The following DOCK7 variants were observed in gnomAD, a reference collection of about 807,000 sequenced individuals.
The protein encoded by DOCK7 is dedicator of cytokinesis protein 7.
A neutral mutation model predicts 271.0 loss-of-function variants in DOCK7; 138 were observed. That is an observed-to-expected ratio of 0.51 (90% CI 0.44 to 0.59). DOCK7 has a LOEUF of 0.59. Ranked by LOEUF, DOCK7 falls within the 20% of genes least tolerant of loss-of-function variation. The probability of loss-of-function intolerance (pLI) is 0.00; values close to 1 mark genes in which losing one functional copy is unlikely to be tolerated. For synonymous variants in DOCK7, 823 were observed against 876.1 expected (o/e 0.94, Z 1.07); for missense variants, 2,066 against 2,592.4 (o/e 0.80, Z 4.41).
At chr1:62,625,135 T>C (rs1478376044) in intron 12 of DOCK7, 124 bp downstream of exon 12, 8 of 787,090 alleles carry the variant, frequency 1.0e-5, no homozygotes, top group Non-Finnish European at 1.5e-5. Context: ...ATTTTTATTC[T>C]TAAAGTTTTT....
At chr1:62,535,409 T>A in intron 29 of DOCK7, 84 bp downstream of exon 29, 14 of 1,181,078 alleles carry the variant, frequency 1.2e-5, no homozygotes, top group Non-Finnish European at 1.6e-5. Context: ...ATTCTCCTAA[T>A]CCTCAGGAAA....
At chr1:62,589,880 T>TA (rs543247913) in intron 14 of DOCK7, among the ~76,000 whole-genome samples, 4,182 of 99,544 alleles carry the variant, frequency 0.042, 284 homozygotes, top group African/African-American at 0.14. Flanking sequence ...AGACTCCATC[T>TA]AAAAAAAAAA....
intron 37 of DOCK7, 116 bp downstream of exon 37, chr1:62,504,514 G>A (rs1350920893): frequency 6.2e-6 from 7 of 1,128,556 alleles, no homozygotes; most frequent in Non-Finnish European, 8.6e-6. Context: ...GATAGCCTAT[G>A]ATTAGACTAA....
chr1:62,532,585 T>G (rs1487045890), intron 29 of DOCK7, among the ~76,000 whole-genome samples: 4 of 152,240 alleles, frequency 2.6e-5, no homozygotes, highest in Non-Finnish European at 1.5e-5. Context: ...TCCTCCTGCC[T>G]CAGCCTCGCA....
chr1:62,623,113 A>G (rs1442524570), intron 12 of DOCK7, among the ~76,000 whole-genome samples: 3 of 152,178 alleles, frequency 2.0e-5, no homozygotes, highest in African/African-American at 7.2e-5. Context: ...AATGATTACT[A>G]TATCCCTACT....
intron 14 of DOCK7, among the ~76,000 whole-genome samples, chr1:62,609,855 A>G (rs1350918711): frequency 6.6e-6 from 1 of 151,560 alleles, no homozygotes; most frequent in Non-Finnish European, 1.5e-5. Flanking sequence ...TTTTTTCGAG[A>G]TGGAGTCTCG....
At chr1:62,532,396 T>C (rs1645201378) in intron 29 of DOCK7, among the ~76,000 whole-genome samples, 1 of 152,034 alleles carries the variant, frequency 6.6e-6, no homozygotes, top group African/African-American at 2.4e-5. Flanking sequence ...TGGAATACAG[T>C]GGTGTGATCA....
intron 8 of DOCK7, among the ~76,000 whole-genome samples, chr1:62,636,147 G>A (rs1655241918): frequency 6.6e-6 from 1 of 152,168 alleles, no homozygotes; most frequent in Non-Finnish European, 1.5e-5. Context: ...AGCTACTCGG[G>A]AGGCTGAGAC....
intron 21 of DOCK7, among the ~76,000 whole-genome samples, chr1:62,554,736 C>T (rs1223273470): frequency 6.6e-6 from 1 of 152,032 alleles, no homozygotes; most frequent in Non-Finnish European, 1.5e-5. Context: ...TAATAGTGTA[C>T]TGAATAAAAC....
At chr1:62,521,034 T>C (rs528938238) in intron 31 of DOCK7, among the ~76,000 whole-genome samples, 1 of 148,736 alleles carries the variant, frequency 6.7e-6, no homozygotes, top group African/African-American at 2.5e-5. Flanking sequence ...TTCTCACTCA[T>C]AGGTGGGAGT....
chr1:62,577,587 T>C (rs184455999), intron 17 of DOCK7, among the ~76,000 whole-genome samples: 7 of 152,268 alleles, frequency 4.6e-5, no homozygotes, highest in Admixed American at 3.9e-4. Context: ...AACATTATTA[T>C]TACTAACCAT....
At position 62,520,644 on chromosome 1, in the gene DOCK7, C is replaced by T. The variant is rs556694066; in HGVS notation, c.3937-6746G>A. Among the ~76,000 whole-genome samples, 780 of 152,312 alleles carry T rather than the reference C, an allele frequency of 5.1e-3. 6 individuals are homozygous for T. Among genetic ancestry groups the T allele is most frequent in the South Asian group, 0.019 (90 of 4,824 alleles). ...ATGTGGAGAAATAGGAACGCTTTTACACTGTTGGTGGGAGTGTAAATTAGT... is the reference window on the plus strand; with the variant it reads ...ATGTGGAGAAATAGGAACGCTTTTATACTGTTGGTGGGAGTGTAAATTAGT... On this transcript the variant is annotated intron_variant, in intron 31 of 49. Coordinates refer to ENST00000635253, the MANE Select transcript of DOCK7 (RefSeq NM_001367561.1).
At position 62,552,811 on chromosome 1, in the gene DOCK7, C is replaced by T; in HGVS notation, c.2687G>A (p.Ser896Asn). 1 of 1,613,990 alleles carries T rather than the reference C, an allele frequency of 6.2e-7. No homozygotes were observed. Among genetic ancestry groups the T allele is most frequent in the South Asian group, 1.1e-5 (1 of 91,062 alleles). ...PASLNLNRSR[S>N]LSNSNPDISG... Reference sequence around the variant, plus strand: ...TATATCTGGATTGCTATTACTAAGGCTTCGAGAACGATTTAAATTAAGGCT... The same window carrying T: ...TATATCTGGATTGCTATTACTAAGGTTTCGAGAACGATTTAAATTAAGGCT... Residue 896 changes from serine (S) to asparagine (N), a missense_variant, in exon 22 of 50, where the codon AGC (serine) becomes AAC (asparagine). Around this residue, in one of 2 missense-constraint regions of DOCK7, gnomAD observed 1,414 missense variants for 1,670.4 expected, o/e 0.85. Coordinates refer to ENST00000635253, the MANE Select transcript of DOCK7 (RefSeq NM_001367561.1).
chr1:62,649,195 A>C (rs1267686150), intron 4 of DOCK7, among the ~76,000 whole-genome samples: 1 of 152,214 alleles, frequency 6.6e-6, no homozygotes, highest in Non-Finnish European at 1.5e-5. Context: ...AGCTGATCAA[A>C]AAGCAATTAT....
At chr1:62,644,967 A>G (rs965577614) in intron 7 of DOCK7, among the ~76,000 whole-genome samples, 1 of 152,304 alleles carries the variant, frequency 6.6e-6, no homozygotes, top group African/African-American at 2.4e-5. Context: ...ACTTTTATTA[A>G]TCAAGAAGAT....
Position 62,488,551 on chromosome 1 carries a change from T to C in DOCK7, c.5493+383A>G, listed in dbSNP as rs1021365486. On this transcript the variant is annotated intron_variant, in intron 42 of 49. Transcript: ENST00000635253. ...GTAGTTTAATTATTAAAGTTTCACA[T>C]CATTTAATTTAAAAAACTGAAATAT... 3 of 186,758 alleles carry C rather than the reference T, an allele frequency of 1.6e-5. No individual in the cohort carries two copies. The South Asian group carries it at 3.0e-4, about 19-fold the overall frequency. The allele number at this position is 186,758 out of a possible 1,614,324, so 11.6% of individuals were successfully genotyped here. A position where few individuals can be genotyped will look rare whatever the true frequency, so the allele number is the denominator to read the frequency against.
At chr1:62,643,138 C>T (rs1656243109) in intron 7 of DOCK7, among the ~76,000 whole-genome samples, 1 of 152,156 alleles carries the variant, frequency 6.6e-6, no homozygotes, top group African/African-American at 2.4e-5. Flanking sequence ...TGACATTAAG[C>T]CAACTGCCAA....
chr1:62,548,831 T>C (rs1485240754), intron 22 of DOCK7, among the ~76,000 whole-genome samples: 1 of 152,182 alleles, frequency 6.6e-6, no homozygotes, highest in Admixed American at 6.5e-5. Context: ...GGAGAGATGA[T>C]GGTTGCTCAG....
At chr1:62,546,113 T>C (rs2149406542) in intron 22 of DOCK7, among the ~76,000 whole-genome samples, 1 of 152,248 alleles carries the variant, frequency 6.6e-6, no homozygotes. Flanking sequence ...CAGGTAAAAG[T>C]GAAGAGTTGG....
Sources: allele counts gnomAD v4.1 joint callset (sites outside exome capture counted in the v4.1 genomes callset), GRCh38; gene constraint gnomAD v4.1.1; regional missense constraint gnomAD v4.1.1; transcripts MANE v1.5; gene names NCBI Gene and HGNC (gene_info 2026-07-23, HGNC 2026-07-21).